The following TBL1XR1 variants were observed in gnomAD, a reference collection of about 807,000 sequenced individuals.
TBL1XR1 encodes TBL1X/Y related 1.
A neutral mutation model predicts 66.9 loss-of-function variants in TBL1XR1; 5 were observed. The ratio of observed to expected loss-of-function variants is 0.07; its 90% CI spans 0.04 to 0.16. The LOEUF is 0.16. Among genes scored for constraint, TBL1XR1 ranks in the 10% least tolerant of loss-of-function variants. TBL1XR1 has a pLI of 1.00. For synonymous variants in TBL1XR1, 210 were observed against 206.0 expected, an observed-to-expected ratio of 1.02 and a Z score of -0.17; for missense variants, 238 against 623.2, an observed-to-expected ratio of 0.38 and a Z score of 6.58.
At chr3:177,106,197 C>T (rs1226766721) in intron 1 of TBL1XR1, among the ~76,000 whole-genome samples, 1 of 151,984 alleles carries the variant, frequency 6.6e-6, no homozygotes, top group Admixed American at 6.6e-5. Flanking sequence ...CCCAAATGAG[C>T]CTCAGCTATG....
At chr3:177,197,827 C>T (rs1001769065), upstream of TBL1XR1, among the ~76,000 whole-genome samples, 2 of 147,448 alleles carry the variant, frequency 1.4e-5, no homozygotes, top group Non-Finnish European at 3.0e-5. Flanking sequence ...CACTCGAAGG[C>T]GCCTCGGGGC....
At chr3:177,129,522 T>C (rs1217434062) in intron 1 of TBL1XR1, among the ~76,000 whole-genome samples, 1 of 152,156 alleles carries the variant, frequency 6.6e-6, no homozygotes, top group Non-Finnish European at 1.5e-5. Flanking sequence ...TATGTTTATA[T>C]GAAACACAAG....
intron 1 of TBL1XR1, among the ~76,000 whole-genome samples, chr3:177,114,250 CTCATATATATAA>C (rs1726010273): frequency 6.6e-6 from 1 of 150,788 alleles, no homozygotes; most frequent in African/African-American, 2.4e-5. Context: ...ATATATACAT[CTCATATATATAA>C]TCATATATAT....
intron 1 of TBL1XR1, among the ~76,000 whole-genome samples, chr3:177,186,468 G>T (rs565089535): frequency 1.3e-5 from 2 of 152,096 alleles, no homozygotes. Context: ...CAAAGTAGAT[G>T]AGTCAATTGC....
intron 1 of TBL1XR1, among the ~76,000 whole-genome samples, chr3:177,153,242 A>C (rs1247519570): frequency 3.3e-5 from 5 of 152,248 alleles, no homozygotes; most frequent in Non-Finnish European, 7.3e-5. Context: ...AGACTCTACC[A>C]AACTAAAAGT....
chr3:177,159,250 T>A (rs1292319251), intron 1 of TBL1XR1, among the ~76,000 whole-genome samples: 1 of 152,038 alleles, frequency 6.6e-6, no homozygotes, highest in African/African-American at 2.4e-5. Context: ...TCACTTCCAA[T>A]ACTGAAAGAA....
At chr3:177,112,514 G>A (rs1201296) in intron 1 of TBL1XR1, among the ~76,000 whole-genome samples, 81,358 of 151,776 alleles carry the variant, frequency 0.54, 22,137 homozygotes, top group East Asian at 0.73. Context: ...ATTGAGATCG[G>A]AAATGGTTAA....
At chr3:177,106,405 T>C (rs1040629692) in intron 1 of TBL1XR1, among the ~76,000 whole-genome samples, 2 of 152,212 alleles carry the variant, frequency 1.3e-5, no homozygotes, top group African/African-American at 2.4e-5. Flanking sequence ...CTTTCTAACT[T>C]AGCACTCAAG....
At chr3:177,048,918 A>C (rs897924324) in intron 7 of TBL1XR1, among the ~76,000 whole-genome samples, 3 of 152,352 alleles carry the variant, frequency 2.0e-5, no homozygotes, top group Admixed American at 2.0e-4. Flanking sequence ...TAGCGTAAGA[A>C]AGCTGTAAGA....
chr3:177,038,642 G>GAGAC (rs1232599680), intron 10 of TBL1XR1, among the ~76,000 whole-genome samples: 6 of 152,164 alleles, frequency 3.9e-5, no homozygotes, highest in African/African-American at 1.4e-4. Flanking sequence ...ATTTCTAGGT[G>GAGAC]AGACAGACCC....
chr3:177,161,783 CAAA>C (rs35673622), intron 1 of TBL1XR1, among the ~76,000 whole-genome samples: 9 of 128,856 alleles, frequency 7.0e-5, no homozygotes, highest in Admixed American at 7.9e-5. Context: ...GACTCTGACT[CAAA>C]AAAAAAAAAA....
chr3:177,185,246 T>C (rs1735264851), intron 1 of TBL1XR1, among the ~76,000 whole-genome samples: 1 of 152,216 alleles, frequency 6.6e-6, no homozygotes, highest in East Asian at 1.9e-4. Context: ...CATATATAAA[T>C]ACACACATAC....
rs777954106 is a variant in TBL1XR1 at position 177,193,425 on chromosome 3, C to T, written c.-122+3696G>A. 2.0e-4 allele frequency among the ~76,000 whole-genome samples: 31 copies of T among 152,142 alleles called. 1 individual carries two copies. Among genetic ancestry groups the T allele is most frequent in the Non-Finnish European group, 4.3e-4 (29 of 68,002 alleles). ...TCCTGGGTTCAAGCGATTCTCCCAC[C>T]TCAGCCTCCCGAGTAGCTGGGACTA... On this transcript the variant is annotated intron_variant, in intron 1 of 15. Coordinates refer to ENST00000457928, the MANE Select transcript of TBL1XR1 (RefSeq NM_024665.7).
chr3:177,067,245 A>G (rs1334496333), intron 2 of TBL1XR1, among the ~76,000 whole-genome samples: 1 of 152,234 alleles, frequency 6.6e-6, no homozygotes, highest in Non-Finnish European at 1.5e-5. Flanking sequence ...AATCATGAAT[A>G]TGTTTGTCAC....
At position 177,022,136 on chromosome 3, in the gene TBL1XR1, A is replaced by G. The variant is rs1712456053; in HGVS notation, c.*3362T>C. On this transcript the variant is annotated 3_prime_UTR_variant, in exon 16 of 16. Transcript: ENST00000457928. ...CAGAAAGAAGTTTAAGGGAAAAAGG[A>G]GTGCTTTGTAAGTGAAAAAGTACAA... 6.6e-6 allele frequency: 1 copy of G among 152,578 alleles called. No individual in the cohort carries two copies. The highest frequency in any genetic ancestry group is 2.4e-5 in the African/African-American group (1 of 41,452). 9.5% of individuals were successfully genotyped at this position (152,578 alleles called of 1,614,324 possible).
intron 3 of TBL1XR1, among the ~76,000 whole-genome samples, chr3:177,054,293 A>AGAC (rs10659940): frequency 0.25 from 37,308 of 151,908 alleles, 4,899 homozygotes; most frequent in East Asian, 0.5. Context: ...AATCAGGCCA[A>AGAC]GACAGATTAA....
At chr3:177,078,083 C>T (rs1235810394) in intron 2 of TBL1XR1, among the ~76,000 whole-genome samples, 3 of 152,156 alleles carry the variant, frequency 2.0e-5, no homozygotes, top group Non-Finnish European at 4.4e-5. Context: ...TATGATGTCA[C>T]CTTTTAATAT....
At chr3:177,201,454 T>C (rs973421083), upstream of TBL1XR1, among the ~76,000 whole-genome samples, 3 of 151,902 alleles carry the variant, frequency 2.0e-5, no homozygotes, top group Non-Finnish European at 2.9e-5. Flanking sequence ...TGACTTGTTT[T>C]ATTTCAGTAA....
chr3:177,190,133 CAAAAAAAAAAAAAAAAA>C (rs548783302), intron 1 of TBL1XR1, among the ~76,000 whole-genome samples: 1 of 69,394 alleles, frequency 1.4e-5, no homozygotes, highest in Non-Finnish European at 2.5e-5. Flanking sequence ...AACTCCATCT[CAAAAAAAAAAAAAAAAA>C]AAAAAAAAAA....
Sources: allele counts gnomAD v4.1 joint callset (sites outside exome capture counted in the v4.1 genomes callset), GRCh38; gene constraint gnomAD v4.1.1; transcripts MANE v1.5; gene names NCBI Gene and HGNC (gene_info 2026-07-23, HGNC 2026-07-21).